The following SPATS2L variants were observed in gnomAD, a reference collection of about 807,000 sequenced individuals.
SPATS2L encodes the protein SPATS2-like protein.
A neutral mutation model predicts 59.6 loss-of-function variants in SPATS2L; 30 were observed. The ratio of observed to expected loss-of-function variants is 0.50; its 90% CI spans 0.38 to 0.68. The LOEUF (loss-of-function observed/expected upper bound fraction) is 0.68. Among genes scored for constraint, SPATS2L ranks in the 30% least tolerant of loss-of-function variants. SPATS2L has a pLI of 0.00. For missense variants in SPATS2L, 615 were observed against 700.0 expected, an observed-to-expected ratio of 0.88 and a Z score of 1.37; for synonymous variants, 252 against 263.5, an observed-to-expected ratio of 0.96 and a Z score of 0.42.
In SPATS2L at chr2:200,419,424, C is replaced by A; in HGVS notation, c.373C>A (p.Pro125Thr). 1 of 1,613,840 alleles carries A rather than the reference C, an allele frequency of 6.2e-7. No homozygotes were observed. Among genetic ancestry groups the A allele is most frequent in the Non-Finnish European group, 8.5e-7 (1 of 1,179,832 alleles). Reference sequence around the variant, plus strand: ...GTCCACAGATTCTGCTAACGAAAAACCAGCCCTTATCCCTCGTGAGAAAAA... The same window carrying A: ...GTCCACAGATTCTGCTAACGAAAAAACAGCCCTTATCCCTCGTGAGAAAAA... ...SSSTDSANEK[P>T]ALIPREKKIS... The change falls in exon 6 of 13, where the codon CCA (proline) becomes ACA (threonine). Residue 125 changes from proline to threonine, a missense_variant. Physicochemically the swap from Pro to Thr is conservative, Grantham distance 38. Around this residue, in one of 3 missense-constraint regions of SPATS2L, gnomAD observed 227 missense variants for 257.4 expected, o/e 0.88. Transcript: ENST00000409140.
At chr2:200,459,084 A>G (rs1347345901) in intron 8 of SPATS2L, among the ~76,000 whole-genome samples, 1 of 152,206 alleles carries the variant, frequency 6.6e-6, no homozygotes, top group Non-Finnish European at 1.5e-5. Context: ...GAACTAGAGA[A>G]CTGGGGGTTG....
chr2:200,473,948 C>T (rs932808385), intron 12 of SPATS2L, among the ~76,000 whole-genome samples: 3 of 151,856 alleles, frequency 2.0e-5, no homozygotes, highest in Non-Finnish European at 2.9e-5. Context: ...TTCAGTGAGC[C>T]AAGATCGCAC....
At chr2:200,351,785 T>C (rs1020626129) in intron 2 of SPATS2L, among the ~76,000 whole-genome samples, 7 of 152,142 alleles carry the variant, frequency 4.6e-5, no homozygotes, top group African/African-American at 1.7e-4. Context: ...TGGTATAAGG[T>C]TTCCCTGTTG....
At chr2:200,432,771 G>A (rs1332450791) in intron 6 of SPATS2L, among the ~76,000 whole-genome samples, 1 of 152,090 alleles carries the variant, frequency 6.6e-6, no homozygotes, top group Non-Finnish European at 1.5e-5. Flanking sequence ...GATATATAAT[G>A]GATGAAGAAA....
chr2:200,473,473 TA>T, intron 12 of SPATS2L, among the ~76,000 whole-genome samples: 1 of 152,332 alleles, frequency 6.6e-6, no homozygotes, highest in South Asian at 2.1e-4. Flanking sequence ...TTTTTTAAGA[TA>T]TTTTAATCCC....
intron 9 of SPATS2L, among the ~76,000 whole-genome samples, chr2:200,461,667 C>G (rs555630965): frequency 3.8e-4 from 58 of 152,298 alleles, no homozygotes; most frequent in African/African-American, 1.4e-3. Flanking sequence ...AAATGGCAGT[C>G]TGTGCCCCTA....
chr2:200,386,480 T>TA (rs1464316131), intron 2 of SPATS2L, among the ~76,000 whole-genome samples: 1 of 152,210 alleles, frequency 6.6e-6, no homozygotes, highest in Non-Finnish European at 1.5e-5. Flanking sequence ...TATGTTTTCT[T>TA]ACGAATATAG....
At chr2:200,369,237 C>T (rs1048063867) in intron 2 of SPATS2L, among the ~76,000 whole-genome samples, 2 of 152,176 alleles carry the variant, frequency 1.3e-5, no homozygotes, top group Admixed American at 6.5e-5. Context: ...CAGCCCACTG[C>T]AGCCTCTGCC....
At chr2:200,355,337 A>C (rs753063592) in intron 2 of SPATS2L, among the ~76,000 whole-genome samples, 1 of 152,174 alleles carries the variant, frequency 6.6e-6, no homozygotes, top group Non-Finnish European at 1.5e-5. Flanking sequence ...ATTTTCTCTA[A>C]TGTGGTGTGA....
rs1036510886 is a variant in SPATS2L, at chr2:200,306,747, T to G, written c.-248T>G. 1 of 334,348 alleles carries G rather than the reference T, an allele frequency of 3.0e-6. No homozygotes were observed. Among genetic ancestry groups the G allele is most frequent in the Non-Finnish European group, 3.7e-6 (1 of 272,640 alleles). The allele number at this position is 334,348 out of a possible 1,614,324, so 20.7% of individuals were successfully genotyped here. Reference sequence around the variant, plus strand: ...GGGCCGAGCTGGCTGCGCCCTCCGCTGCAAGCGCCGGCAGCGCGGGGCGAG... The same window carrying G: ...GGGCCGAGCTGGCTGCGCCCTCCGCGGCAAGCGCCGGCAGCGCGGGGCGAG... On this transcript the variant is annotated 5_prime_UTR_variant, in exon 1 of 13. Coordinates refer to ENST00000409140, the MANE Select transcript of SPATS2L (RefSeq NM_001100423.2).
At chr2:200,306,118 G>T, upstream of SPATS2L, 7 of 987,506 alleles carry the variant, frequency 7.1e-6, no homozygotes, top group Non-Finnish European at 8.4e-6. Flanking sequence ...GTTTCCAAGG[G>T]CTGACCCGAG....
At chr2:200,384,393 G>A (rs549120681) in intron 2 of SPATS2L, among the ~76,000 whole-genome samples, 4 of 151,692 alleles carry the variant, frequency 2.6e-5, no homozygotes, top group Non-Finnish European at 5.9e-5. Context: ...TTGCTCTGTC[G>A]CCCAGGCTGG....
rs1327910305 is a variant in SPATS2L at position 200,306,908 on chromosome 2, G to A, written c.-87G>A. 8.1e-6 allele frequency: 8 copies of A among 981,656 alleles called. 1 individual carries two copies. In the African/African-American group the frequency reaches 1.2e-4, roughly 15 times the overall value. The allele number at this position is 981,656 out of a possible 1,614,324, so 60.8% of individuals were successfully genotyped here. On this transcript the variant is annotated 5_prime_UTR_variant, in exon 1 of 13. Transcript: ENST00000409140. ...GCTCCGGCCCGGGACGGAGGAGCCG[G>A]CGCTCGACACAGAGGTAAGCCCAGG... is the stretch of plus-strand genomic sequence containing the variant.
At chr2:200,326,694 T>C (rs1344768660) in intron 1 of SPATS2L, among the ~76,000 whole-genome samples, 1 of 152,120 alleles carries the variant, frequency 6.6e-6, no homozygotes, top group Non-Finnish European at 1.5e-5. Context: ...ATCTGCTACC[T>C]GAAAACCTAT....
chr2:200,429,825 G>T (rs1367694431), intron 6 of SPATS2L, among the ~76,000 whole-genome samples: 1 of 152,130 alleles, frequency 6.6e-6, no homozygotes, highest in Non-Finnish European at 1.5e-5. Flanking sequence ...GGCAAGAAGA[G>T]TAGATCTGGA....
chr2:200,467,482 C>A, intron 10 of SPATS2L, 83 bp downstream of exon 10: 1 of 942,102 alleles, frequency 1.1e-6, no homozygotes, highest in Non-Finnish European at 1.7e-6. Flanking sequence ...CAGAGTTCTG[C>A]TCTCTGAGGA....
At chr2:200,326,625 A>G (rs531406677) in intron 1 of SPATS2L, among the ~76,000 whole-genome samples, 1 of 152,150 alleles carries the variant, frequency 6.6e-6, no homozygotes, top group African/African-American at 2.4e-5. Context: ...TTAGGAACCA[A>G]CTTTTCTATA....
chr2:200,345,273 C>T (rs571357234), intron 2 of SPATS2L, among the ~76,000 whole-genome samples: 4 of 152,212 alleles, frequency 2.6e-5, no homozygotes, highest in East Asian at 1.9e-4. Flanking sequence ...GGTCCAGTTT[C>T]GATCTTCTGC....
At chr2:200,346,957 T>C (rs1302831623) in intron 2 of SPATS2L, among the ~76,000 whole-genome samples, 1 of 152,234 alleles carries the variant, frequency 6.6e-6, no homozygotes, top group Non-Finnish European at 1.5e-5. Flanking sequence ...TTTTTAATTG[T>C]AGTTACATTA....
Sources: allele counts gnomAD v4.1 joint callset (sites outside exome capture counted in the v4.1 genomes callset), GRCh38; gene constraint gnomAD v4.1.1; regional missense constraint gnomAD v4.1.1; transcripts MANE v1.5; gene names NCBI Gene and HGNC (gene_info 2026-07-23, HGNC 2026-07-21).